GIGYF2: variants seen among roughly 807,000 people sequenced by gnomAD.
GIGYF2 encodes the protein GRB10-interacting GYF protein 2.
Under a neutral mutation model 208.1 loss-of-function variants are expected in GIGYF2, and 25 were observed. The ratio of observed to expected loss-of-function variants is 0.12; its 90% CI spans 0.09 to 0.17. The LOEUF (loss-of-function observed/expected upper bound fraction) is 0.17, where lower values mean the gene tolerates loss of function less well. Ranked by LOEUF, GIGYF2 falls within the 10% of genes least tolerant of loss-of-function variation. GIGYF2 has a pLI of 1.00. For missense variants in GIGYF2, 1,302 were observed against 1,579.4 expected, an observed-to-expected ratio of 0.82 and a Z score of 2.98; for synonymous variants, 534 against 543.8, an observed-to-expected ratio of 0.98 and a Z score of 0.25.
At chr2:232,845,970 A>G (rs1701989329) in intron 26 of GIGYF2, 84 bp downstream of exon 26, 2 of 872,106 alleles carry the variant, frequency 2.3e-6, no homozygotes, top group Non-Finnish European at 3.8e-6. Context: ...CAGTGGGCCA[A>G]AAGTCAAAAG....
chr2:232,726,417 C>T (rs984442482), intron 2 of GIGYF2, among the ~76,000 whole-genome samples: 8 of 151,032 alleles, frequency 5.3e-5, no homozygotes, highest in South Asian at 4.2e-4. Context: ...TTCTCCCCAC[C>T]GCCAAATACC....
intron 21 of GIGYF2, among the ~76,000 whole-genome samples, chr2:232,831,141 C>T (rs1701415595): frequency 6.6e-6 from 1 of 152,142 alleles, no homozygotes; most frequent in Admixed American, 6.5e-5. Context: ...ACCTTGATCA[C>T]CTGGCTGAAG....
At chr2:232,737,365 C>T (rs1415267098) in intron 3 of GIGYF2, among the ~76,000 whole-genome samples, 1 of 152,164 alleles carries the variant, frequency 6.6e-6, no homozygotes, top group Non-Finnish European at 1.5e-5. Flanking sequence ...TCACCATTTC[C>T]ATCCTTAAAC....
At chr2:232,766,179 C>G (rs551984252) in intron 8 of GIGYF2, among the ~76,000 whole-genome samples, 2 of 152,168 alleles carry the variant, frequency 1.3e-5, no homozygotes, top group Admixed American at 6.5e-5. Context: ...CTATCTCCTG[C>G]AAAAAAGTTT....
At position 232,832,906 on chromosome 2, in the gene GIGYF2, G is replaced by T; in HGVS notation, c.2579G>T (p.Arg860Leu). The T allele has an allele frequency of 1.3e-6, 2 of 1,563,896 alleles. No individual in the cohort carries two copies. Among genetic ancestry groups the T allele is most frequent in the Non-Finnish European group, 1.7e-6 (2 of 1,154,068 alleles). ...WAREEEEAQRRLEENRLRMEE... is the reference protein window; with the variant it reads ...WAREEEEAQRLLEENRLRMEE... ...CGGGAAGAAGAAGAAGCCCAGCGTC[G>T]ATTAGAGGAGAACCGGCTGCGGATG... Residue 860 changes from arginine to leucine, a missense_variant, in exon 22 of 29, where the codon CGA becomes CTA. Transcript: ENST00000373563.
At chr2:232,814,113 T>C (rs1292198722) in intron 18 of GIGYF2, among the ~76,000 whole-genome samples, 1 of 151,720 alleles carries the variant, frequency 6.6e-6, no homozygotes, top group Non-Finnish European at 1.5e-5. Flanking sequence ...TTCAAACTCC[T>C]GGCCTCAAGT....
rs747850665 is a variant in GIGYF2, at chr2:232,748,979, T to C, written c.172-8T>C. 7.3e-7 allele frequency: 1 copy of C among 1,364,106 alleles called. No individual in the cohort carries two copies. The highest frequency in any genetic ancestry group is 1.1e-6 in the Non-Finnish European group (1 of 951,832). The allele number at this position is 1,364,106 out of a possible 1,614,324, so 84.5% of individuals were successfully genotyped here. A position where few individuals can be genotyped will look rare whatever the true frequency, so the allele number is the denominator to read the frequency against. ...ATTAATCTCATAATCATGTGTTTGG[T>C]CCTACAGATACCTTCAGACCTTCTG... On this transcript the variant is annotated splice_region_variant and splice_polypyrimidine_tract_variant and intron_variant, in intron 4 of 28. Coordinates refer to ENST00000373563, the MANE Select transcript of GIGYF2 (RefSeq NM_001103146.3).
chr2:232,738,597 T>C (rs936772156), intron 3 of GIGYF2, among the ~76,000 whole-genome samples: 2 of 152,234 alleles, frequency 1.3e-5, no homozygotes, highest in Middle Eastern at 3.2e-3. Context: ...TACTTTGATA[T>C]AGATTTTTGT....
chr2:232,716,448 G>A (rs1395026792), intron 2 of GIGYF2, among the ~76,000 whole-genome samples: 1 of 141,680 alleles, frequency 7.1e-6, no homozygotes, highest in Non-Finnish European at 1.5e-5. Flanking sequence ...GCACGATCTC[G>A]GCTCACTGCA....
At chr2:232,818,754 A>G (rs922818253) in intron 20 of GIGYF2, among the ~76,000 whole-genome samples, 1 of 152,074 alleles carries the variant, frequency 6.6e-6, no homozygotes, top group South Asian at 2.1e-4. Context: ...TCCATGTCAA[A>G]TGTGTATCTA....
chr2:232,774,719 T>C (rs780364376), intron 8 of GIGYF2, among the ~76,000 whole-genome samples: 13 of 152,204 alleles, frequency 8.5e-5, no homozygotes, highest in Non-Finnish European at 1.3e-4. Context: ...ACACTAGTGC[T>C]TGTTCCACAT....
intron 3 of GIGYF2, among the ~76,000 whole-genome samples, chr2:232,742,920 A>G (rs1304581640): frequency 2.0e-5 from 3 of 152,180 alleles, no homozygotes; most frequent in Non-Finnish European, 1.5e-5. Flanking sequence ...ATGGTTGTGT[A>G]TGAAAGCCTG....
intron 8 of GIGYF2, among the ~76,000 whole-genome samples, chr2:232,769,713 G>A (rs1699151442): frequency 6.6e-6 from 1 of 151,936 alleles, no homozygotes; most frequent in African/African-American, 2.4e-5. Context: ...GATTTTGTTG[G>A]CGGGCTGTTG....
In GIGYF2 at chr2:232,852,452, G is replaced by A. The variant is rs560192901; in HGVS notation, c.3832+2043G>A. Among the ~76,000 whole-genome samples the A allele has an allele frequency of 2.1e-3, 327 of 152,288 alleles. 1 individual carries two copies. The highest frequency in any genetic ancestry group is 7.5e-3 in the African/African-American group (312 of 41,564). The stretch of plus-strand genomic sequence containing the variant: ...CCCAGCTACTCGGGAAGCTGAGGCA[G>A]GAGAATCACTTGAGCAGCCTAGGAG... On this transcript the variant is annotated intron_variant, in intron 28 of 28. Transcript: ENST00000373563.
chr2:232,793,338 T>C (rs1276725967), intron 12 of GIGYF2, among the ~76,000 whole-genome samples: 1 of 152,080 alleles, frequency 6.6e-6, no homozygotes, highest in African/African-American at 2.4e-5. Context: ...TAAAGGGAAG[T>C]TGTGGCAGGT....
intron 5 of GIGYF2, among the ~76,000 whole-genome samples, chr2:232,755,726 T>C (rs1261258195): frequency 1.3e-5 from 2 of 152,244 alleles, no homozygotes; most frequent in Non-Finnish European, 2.9e-5. Flanking sequence ...TTATGATTCC[T>C]GTCATTCTGT....
At chr2:232,769,251 C>G (rs1455207609) in intron 8 of GIGYF2, among the ~76,000 whole-genome samples, 1 of 152,050 alleles carries the variant, frequency 6.6e-6, no homozygotes, top group African/African-American at 2.4e-5. Context: ...GATATTTTGG[C>G]CAGGCATGGT....
rs371613798 is a variant in GIGYF2 at position 232,839,883 on chromosome 2, A to G, written c.2801A>G (p.Asn934Ser). ...TCTTCAACGTGGGGCCAGCAGTCCA[A>G]TACAACAGCATGTCAGTCCCAGGCC... is the stretch of plus-strand genomic sequence containing the variant. ...PSSSTWGQQS[N>S]TTACQSQATL... Residue 934 changes from asparagine to serine, a missense_variant, in exon 23 of 29, where the codon AAT (asparagine) becomes AGT (serine). Around this residue, in one of 8 missense-constraint regions of GIGYF2, gnomAD observed 701 missense variants for 793.0 expected, o/e 0.88. Coordinates refer to ENST00000373563, the MANE Select transcript of GIGYF2 (RefSeq NM_001103146.3). 23 of 1,614,046 alleles carry G rather than the reference A, an allele frequency of 1.4e-5. No individual in the cohort carries two copies. The highest frequency in any genetic ancestry group is 1.7e-4 in the Middle Eastern group (1 of 6,060).
rs763124709 is a variant in GIGYF2, at chr2:232,796,139, C to T, written c.1557C>T (p.His519=). 4 of 1,600,174 alleles carry T rather than the reference C, an allele frequency of 2.5e-6. No homozygotes were observed. Among genetic ancestry groups the T allele is most frequent in the Non-Finnish European group, 3.4e-6 (4 of 1,167,444 alleles). ...GATTGGCATCAAAACTGCAAGAGCA[C>T]AGAGCTAAAGGAGTGTCGATTCCAT... ...DERLASKLQE[H]RAKGVSIPLM... is the part of the protein sequence containing the mutation. Residue 519 remains histidine, a synonymous_variant, in exon 14 of 29, where the codon CAC becomes CAT. Coordinates refer to ENST00000373563, the MANE Select transcript of GIGYF2 (RefSeq NM_001103146.3).
Sources: allele counts gnomAD v4.1 joint callset (sites outside exome capture counted in the v4.1 genomes callset), GRCh38; gene constraint gnomAD v4.1.1; regional missense constraint gnomAD v4.1.1; transcripts MANE v1.5; gene names NCBI Gene and HGNC (gene_info 2026-07-23, HGNC 2026-07-21).